Variants in EPS15 observed in about 807,000 individuals in gnomAD.
The protein encoded by EPS15 is epidermal growth factor receptor pathway substrate 15.
EPS15 carries 72 observed loss-of-function variants against 113.8 expected under a neutral mutation model. That is an observed-to-expected ratio of 0.63 (90% CI 0.52 to 0.77). EPS15 has a LOEUF of 0.77. Among genes scored for constraint, EPS15 ranks in the 30% least tolerant of loss-of-function variants. The pLI is 0.00. For missense variants in EPS15, 1,048 were observed against 1,045.8 expected (o/e 1.00, Z -0.03); for synonymous variants, 344 against 363.4 (o/e 0.95, Z 0.61).
At chr1:51,465,503 T>A (rs984101299) in intron 5 of EPS15, among the ~76,000 whole-genome samples, 177 bp from the exon 6 acceptor site, 2 of 152,168 alleles carry the variant, frequency 1.3e-5, no homozygotes, top group African/African-American at 4.8e-5. Context: ...GTGATTATAA[T>A]ACCATATTTT....
At chr1:51,415,513 T>C (rs905671700) in intron 13 of EPS15, among the ~76,000 whole-genome samples, 1 of 152,060 alleles carries the variant, frequency 6.6e-6, no homozygotes, top group South Asian at 2.1e-4. Context: ...ATAAAAATTC[T>C]GGGCCAGGCG....
rs570641238 is a variant in EPS15 at position 51,508,564 on chromosome 1, A to G, written c.33+10635T>C. 2.6e-5 allele frequency among the ~76,000 whole-genome samples: 4 copies of G among 152,332 alleles called. No individual in the cohort carries two copies. The East Asian group carries it at 5.8e-4, about 22-fold the overall frequency. On this transcript the variant is annotated intron_variant, in intron 1 of 24. Coordinates refer to ENST00000371733, the MANE Select transcript of EPS15 (RefSeq NM_001981.3). ...AGATGTCACAAATGGCAGAGCTACAATTCAATCCAGGTTTGTCTTGTACTA... is the reference window on the plus strand; with the variant it reads ...AGATGTCACAAATGGCAGAGCTACAGTTCAATCCAGGTTTGTCTTGTACTA...
chr1:51,406,823 G>T (rs1415172513), intron 15 of EPS15, among the ~76,000 whole-genome samples: 1 of 152,038 alleles, frequency 6.6e-6, no homozygotes, highest in African/African-American at 2.4e-5. Flanking sequence ...CTCTGCTAGG[G>T]GAGACAGACA....
intron 11 of EPS15, among the ~76,000 whole-genome samples, chr1:51,443,399 A>G (rs980894405): frequency 6.6e-6 from 1 of 152,164 alleles, no homozygotes; most frequent in Non-Finnish European, 1.5e-5. Flanking sequence ...GCAAAAATGC[A>G]TATTCAGTAA....
At chr1:51,507,416 ACT>A (rs1644515974) in intron 1 of EPS15, among the ~76,000 whole-genome samples, 1 of 152,100 alleles carries the variant, frequency 6.6e-6, no homozygotes, top group Non-Finnish European at 1.5e-5. Flanking sequence ...TAATCCCAGC[ACT>A]TTGGGAGGCT....
chr1:51,473,080 T>C (rs1285541169), intron 2 of EPS15, 132 bp from the exon 3 acceptor site: 2 of 685,170 alleles, frequency 2.9e-6, no homozygotes, highest in Non-Finnish European at 5.3e-6. Context: ...TTGACTACCA[T>C]GGGCCAAAGA....
chr1:51,465,135 C>T, intron 6 of EPS15, 126 bp downstream of exon 6: 1 of 523,720 alleles, frequency 1.9e-6, no homozygotes, highest in South Asian at 3.7e-5. Flanking sequence ...CCAGTAACAG[C>T]TTCTCCCCTA....
intron 21 of EPS15, among the ~76,000 whole-genome samples, chr1:51,379,358 G>C (rs1646881929): frequency 6.6e-6 from 1 of 152,032 alleles, no homozygotes; most frequent in African/African-American, 2.4e-5. Context: ...GACCTCAAGT[G>C]ATCCTCCCAC....
chr1:51,428,000 T>G (rs1651370856), intron 12 of EPS15, among the ~76,000 whole-genome samples: 1 of 152,140 alleles, frequency 6.6e-6, no homozygotes, highest in South Asian at 2.1e-4. Context: ...AACTTGTCAA[T>G]TTGTGACATA....
chr1:51,458,526 C>A, intron 8 of EPS15: 1 of 444,984 alleles, frequency 2.2e-6, no homozygotes, highest in Non-Finnish European at 4.5e-6. Flanking sequence ...CACCTATTAT[C>A]AGGAGCTCGA....
At chr1:51,411,799 C>T (rs554771542) in intron 13 of EPS15, among the ~76,000 whole-genome samples, 15 of 152,222 alleles carry the variant, frequency 9.9e-5, no homozygotes, top group African/African-American at 3.6e-4. Flanking sequence ...GACAGTCTGG[C>T]GATTCCTCAA....
chr1:51,404,091 A>T (rs1648854768), intron 16 of EPS15, among the ~76,000 whole-genome samples: 1 of 152,110 alleles, frequency 6.6e-6, no homozygotes, highest in African/African-American at 2.4e-5. Context: ...TCACACCTGT[A>T]ATCCCAGCAC....
intron 19 of EPS15, among the ~76,000 whole-genome samples, chr1:51,400,442 C>T (rs991311115): frequency 1.3e-5 from 2 of 152,132 alleles, no homozygotes; most frequent in African/African-American, 2.4e-5. Context: ...TGTCTGTAAT[C>T]GCAGCACTTT....
intron 1 of EPS15, among the ~76,000 whole-genome samples, chr1:51,489,169 ACTG>A (rs1330926696): frequency 6.6e-6 from 1 of 151,406 alleles, no homozygotes; most frequent in Non-Finnish European, 1.5e-5. Context: ...AAAAGGAGGA[ACTG>A]CTATTTTTGT....
rs369669793 is a variant in EPS15, at chr1:51,423,601, A to G, written c.1041-1743T>C. Reference sequence around the variant, plus strand: ...AGCTCCTGGTTTCTGAAAGTAGATAATAACAAAAATAGAAAACACTACAGT... The same window carrying G: ...AGCTCCTGGTTTCTGAAAGTAGATAGTAACAAAAATAGAAAACACTACAGT... On this transcript the variant is annotated intron_variant, in intron 12 of 24. Coordinates refer to ENST00000371733, the MANE Select transcript of EPS15 (RefSeq NM_001981.3). 8 of 985,416 alleles carry G rather than the reference A, an allele frequency of 8.1e-6. No individual in the cohort carries two copies. In the African/African-American group the frequency reaches 1.2e-4, roughly 15 times the overall value. 61.0% of individuals were successfully genotyped at this position (985,416 alleles called of 1,614,324 possible). A position where few individuals can be genotyped will look rare whatever the true frequency, so the allele number is the denominator to read the frequency against.
intron 8 of EPS15, among the ~76,000 whole-genome samples, chr1:51,456,406 G>T (rs72696149): frequency 6.6e-6 from 1 of 151,900 alleles, no homozygotes; most frequent in African/African-American, 2.4e-5. Context: ...AAGGGGAAAT[G>T]GGCAAGAATT....
intron 1 of EPS15, among the ~76,000 whole-genome samples, chr1:51,502,233 C>T (rs1436623938): frequency 6.6e-6 from 1 of 152,082 alleles, no homozygotes; most frequent in East Asian, 1.9e-4. Flanking sequence ...CCACTGCACT[C>T]CAGCCTGAGC....
intron 16 of EPS15, 51 bp downstream of exon 16, chr1:51,405,854 G>T: frequency 6.9e-7 from 1 of 1,456,122 alleles, no homozygotes; most frequent in Non-Finnish European, 9.6e-7. Flanking sequence ...AGTGAAACTT[G>T]GATCTGCACA....
At chr1:51,438,239 T>C (rs968273653) in intron 12 of EPS15, among the ~76,000 whole-genome samples, 1 of 152,188 alleles carries the variant, frequency 6.6e-6, no homozygotes, top group African/African-American at 2.4e-5. Context: ...ATTTATAAAA[T>C]GTGACTATAC....
Sources: gnomAD v4.1 joint callset for allele counts (sites outside exome capture counted in the v4.1 genomes callset) on GRCh38, gnomAD v4.1.1 for gene constraint, MANE v1.5 for transcripts, NCBI Gene and HGNC (gene_info 2026-07-23, HGNC 2026-07-21) for gene names.